Variants in SPATA6 observed in about 807,000 individuals in gnomAD.
The protein encoded by SPATA6 is spermatogenesis associated 6, also known as spermatogenesis-associated protein 6.
A neutral mutation model predicts 65.3 loss-of-function variants in SPATA6; 56 were observed. The ratio of observed to expected loss-of-function variants is 0.86; its 90% CI spans 0.69 to 1.07. The LOEUF is 1.07. Among genes scored for constraint, SPATA6 ranks in the 50% least tolerant of loss-of-function variants. SPATA6 has a pLI of 0.00. For synonymous variants in SPATA6, 199 were observed against 213.2 expected (o/e 0.93, Z 0.58); for missense variants, 590 against 594.8 (o/e 0.99, Z 0.08).
intron 3 of SPATA6, among the ~76,000 whole-genome samples, chr1:48,417,603 C>T (rs1652893640): frequency 6.6e-6 from 1 of 152,086 alleles, no homozygotes; most frequent in African/African-American, 2.4e-5. Context: ...ATCACAAGGT[C>T]AGGAGTTCGA....
chr1:48,360,104 G>C lies in SPATA6; in HGVS notation c.910-334C>G, dbSNP rs183812561. On this transcript the variant is annotated intron_variant, in intron 9 of 12. Coordinates refer to ENST00000371847, the MANE Select transcript of SPATA6 (RefSeq NM_019073.4). ...TCCACATGAACCAAATGGTAGCCTA[G>C]TTTAGCTATCAGATCAAACAGAACT... is the stretch of plus-strand genomic sequence containing the variant. 8.9e-4 allele frequency among the ~76,000 whole-genome samples: 136 copies of C among 152,228 alleles called. 2 individuals are homozygous for C. The South Asian group carries it at 0.019, about 21-fold the overall frequency.
chr1:48,352,903 C>CAA (rs35929341), intron 11 of SPATA6, among the ~76,000 whole-genome samples: 2,171 of 133,286 alleles, frequency 0.016, 31 homozygotes, highest in East Asian at 0.045. Flanking sequence ...CTTTTAAATA[C>CAA]AAAAAAAAAA....
At chr1:48,291,290 G>C (rs988380592), downstream of SPATA6, among the ~76,000 whole-genome samples, 8 of 152,160 alleles carry the variant, frequency 5.3e-5, no homozygotes, top group Non-Finnish European at 1.5e-5. Flanking sequence ...GGGCCATAGA[G>C]CTCCCAGGAG....
At chr1:48,413,075 T>C (rs1279870548) in intron 4 of SPATA6, 35 bp downstream of exon 4, 1 of 703,380 alleles carries the variant, frequency 1.4e-6, no homozygotes, top group Non-Finnish European at 2.0e-6. Context: ...ATTTATGATA[T>C]CTTATATTGT....
At chr1:48,425,589 A>G (rs1653762881) in intron 3 of SPATA6, among the ~76,000 whole-genome samples, 1 of 152,192 alleles carries the variant, frequency 6.6e-6, no homozygotes, top group Non-Finnish European at 1.5e-5. Context: ...AAGAAAGTAT[A>G]ATATTTATGC....
chr1:48,418,704 A>AG (rs1653027569), intron 3 of SPATA6, among the ~76,000 whole-genome samples: 19 of 151,382 alleles, frequency 1.3e-4, no homozygotes, highest in Non-Finnish European at 2.5e-4. Flanking sequence ...CCTGGGCAAC[A>AG]AAACAAGACC....
At chr1:48,350,803 G>T (rs1487058421) in intron 11 of SPATA6, among the ~76,000 whole-genome samples, 1 of 151,732 alleles carries the variant, frequency 6.6e-6, no homozygotes, top group East Asian at 1.9e-4. Context: ...TTAAAATTAG[G>T]CAGTGAGTCC....
intron 11 of SPATA6, among the ~76,000 whole-genome samples, chr1:48,355,130 T>C (rs1646622496): frequency 6.6e-6 from 1 of 152,146 alleles, no homozygotes; most frequent in African/African-American, 2.4e-5. Flanking sequence ...TTCCCAGCTG[T>C]CATTTATATG....
At chr1:48,378,475 T>C (rs1557638705) in intron 9 of SPATA6, among the ~76,000 whole-genome samples, 1 of 152,128 alleles carries the variant, frequency 6.6e-6, no homozygotes, top group East Asian at 1.9e-4. Context: ...GATAAAGACA[T>C]ACACAAGACT....
At chr1:48,405,380 C>A (rs1301595684) in intron 5 of SPATA6, among the ~76,000 whole-genome samples, 2 of 152,214 alleles carry the variant, frequency 1.3e-5, no homozygotes, top group Non-Finnish European at 2.9e-5. Context: ...CACGTAATTT[C>A]TATGGGTCAG....
intron 9 of SPATA6, among the ~76,000 whole-genome samples, chr1:48,384,344 C>G (rs377687926): frequency 0.033 from 1,592 of 48,348 alleles, 116 homozygotes; most frequent in African/African-American, 0.097. Context: ...GGGACAGGGA[C>G]AGGGACAGGG....
chr1:48,316,412 G>A (rs1645422144), intron 11 of SPATA6, among the ~76,000 whole-genome samples: 1 of 151,848 alleles, frequency 6.6e-6, no homozygotes, highest in Admixed American at 6.6e-5. Flanking sequence ...TGACAAACGT[G>A]ACAAAAACAA....
chr1:48,470,316 G>A (rs1319939538), intron 1 of SPATA6, among the ~76,000 whole-genome samples: 1 of 152,184 alleles, frequency 6.6e-6, no homozygotes, highest in Non-Finnish European at 1.5e-5. Context: ...AACACCATTA[G>A]TTGGCAGGAG....
rs1196221795 is a variant in SPATA6, at chr1:48,296,685, C to CA, written c.*2027dup. Reference sequence around the variant, plus strand: ...AAGAGCATTATTCAATGTTGACCTTCAAAAGCTGATTGTAAAATACCTCAT... The same window carrying CA: ...AAGAGCATTATTCAATGTTGACCTTCAAAAAGCTGATTGTAAAATACCTCAT... On this transcript the variant is annotated 3_prime_UTR_variant, in exon 13 of 13. Transcript: ENST00000371847. The CA allele has an allele frequency of 1.3e-5, 2 of 152,102 alleles. No homozygotes were observed. Among genetic ancestry groups the CA allele is most frequent in the East Asian group, 3.9e-4 (2 of 5,180 alleles). 9.4% of individuals were successfully genotyped at this position (152,102 alleles called of 1,614,324 possible).
Position 48,297,575 on chromosome 1 carries a change from A to G in SPATA6, c.*1138T>C, listed in dbSNP as rs976640447. The G allele has an allele frequency of 6.6e-6, 1 of 152,216 alleles. No individual in the cohort carries two copies. The highest frequency in any genetic ancestry group is 2.4e-5 in the African/African-American group (1 of 41,466). The allele number at this position is 152,216 out of a possible 1,614,324, so 9.4% of individuals were successfully genotyped here. A position where few individuals can be genotyped will look rare whatever the true frequency, so the allele number is the denominator to read the frequency against. On this transcript the variant is annotated 3_prime_UTR_variant, in exon 13 of 13. Coordinates refer to ENST00000371847, the MANE Select transcript of SPATA6 (RefSeq NM_019073.4). ...TGTAAAATTAATCAAAAACAGAGTCAATGAGAAAATATTATCTTTTAGGCA... is the reference window on the plus strand; with the variant it reads ...TGTAAAATTAATCAAAAACAGAGTCGATGAGAAAATATTATCTTTTAGGCA...
intron 3 of SPATA6, among the ~76,000 whole-genome samples, chr1:48,447,344 C>T (rs77428624): frequency 0.072 from 10,883 of 152,070 alleles, 518 homozygotes; most frequent in Non-Finnish European, 0.11. Context: ...CATTGTGAAA[C>T]CCCATGTCTA....
intron 5 of SPATA6, among the ~76,000 whole-genome samples, chr1:48,411,109 G>C (rs1652185930): frequency 6.6e-6 from 1 of 152,162 alleles, no homozygotes; most frequent in African/African-American, 2.4e-5. Flanking sequence ...AAGAGACAGA[G>C]AGACAGAGAT....
intron 11 of SPATA6, among the ~76,000 whole-genome samples, chr1:48,339,008 T>G (rs1646134172): frequency 6.6e-6 from 1 of 152,026 alleles, no homozygotes. Flanking sequence ...CTGGTAATTA[T>G]GCAGAGACAC....
intron 11 of SPATA6, among the ~76,000 whole-genome samples, chr1:48,324,475 C>T (rs1429858511): frequency 3.9e-5 from 6 of 152,048 alleles, no homozygotes; most frequent in Admixed American, 3.3e-4. Flanking sequence ...TTTGACAATA[C>T]ATTAGAAAGA....
Sources: allele counts gnomAD v4.1 joint callset (sites outside exome capture counted in the v4.1 genomes callset), GRCh38; gene constraint gnomAD v4.1.1; transcripts MANE v1.5; gene names NCBI Gene and HGNC (gene_info 2026-07-23, HGNC 2026-07-21).